NRCAM: variants seen among roughly 807,000 people sequenced by gnomAD.
NRCAM encodes NgCAM-related cell adhesion molecule.
A neutral mutation model predicts 156.5 loss-of-function variants in NRCAM; 83 were observed. The observed-to-expected ratio is 0.53, with a 90% CI of 0.44 to 0.64. The LOEUF is 0.64. NRCAM is among the 30% of genes least tolerant of loss of function. The pLI is 0.00. For missense variants in NRCAM, 1,417 were observed against 1,597.3 expected (o/e 0.89, Z 1.92); for synonymous variants, 538 against 563.9 (o/e 0.95, Z 0.65).
intron 2 of NRCAM, among the ~76,000 whole-genome samples, chr7:108,331,455 A>G (rs1278548729): frequency 1.3e-5 from 2 of 152,142 alleles, no homozygotes; most frequent in South Asian, 2.1e-4. Context: ...TTAATAAAGT[A>G]CTTACTATGC....
intron 3 of NRCAM, among the ~76,000 whole-genome samples, chr7:108,312,378 T>C (rs1268972192): frequency 6.6e-6 from 1 of 152,172 alleles, no homozygotes; most frequent in African/African-American, 2.4e-5. Flanking sequence ...GCTTTGCCTC[T>C]GCTCTCTATT....
chr7:108,215,005 T>C (rs375642726), intron 11 of NRCAM, among the ~76,000 whole-genome samples: 5 of 152,244 alleles, frequency 3.3e-5, no homozygotes, highest in African/African-American at 1.2e-4. Flanking sequence ...GAGGAGTGTT[T>C]TACTTCCAAT....
chr7:108,305,191 T>G (rs2098697076), intron 3 of NRCAM, among the ~76,000 whole-genome samples: 1 of 152,238 alleles, frequency 6.6e-6, no homozygotes, highest in Non-Finnish European at 1.5e-5. Context: ...TTTAAAAATA[T>G]ATCCCAGTCA....
intron 3 of NRCAM, among the ~76,000 whole-genome samples, chr7:108,268,554 T>C (rs1368757788): frequency 1.4e-5 from 2 of 140,170 alleles, no homozygotes; most frequent in African/African-American, 5.2e-5. Context: ...ATGTGGGTGA[T>C]AGTGTCTACA....
intron 20 of NRCAM, among the ~76,000 whole-genome samples, chr7:108,188,707 T>A (rs1423268653): frequency 1.4e-5 from 2 of 139,484 alleles, no homozygotes; most frequent in South Asian, 4.4e-4. Context: ...GCTAGAAGAC[T>A]GGGCCTGGAT....
chr7:108,416,265 A>G (rs1276071641), intron 1 of NRCAM, among the ~76,000 whole-genome samples: 2 of 152,252 alleles, frequency 1.3e-5, no homozygotes, highest in African/African-American at 2.4e-5. Context: ...GACAGCAGAA[A>G]AACAGCACAT....
chr7:108,432,641 G>A (rs922060791), intron 1 of NRCAM, among the ~76,000 whole-genome samples: 2 of 152,214 alleles, frequency 1.3e-5, no homozygotes, highest in African/African-American at 2.4e-5. Flanking sequence ...GGTGGCTCTC[G>A]CCTGTAATCC....
intron 13 of NRCAM, among the ~76,000 whole-genome samples, chr7:108,201,267 C>T (rs892332299): frequency 6.6e-6 from 1 of 151,620 alleles, no homozygotes; most frequent in Non-Finnish European, 1.5e-5. Flanking sequence ...ACTCTCGGTG[C>T]CCACCATGTG....
intron 28 of NRCAM, among the ~76,000 whole-genome samples, chr7:108,173,722 T>A (rs2059417154): frequency 6.6e-6 from 1 of 152,228 alleles, no homozygotes; most frequent in Non-Finnish European, 1.5e-5. Context: ...CAGATTTTAA[T>A]ACTGGGGGCT....
At chr7:108,300,262 G>A (rs1469467651) in intron 3 of NRCAM, among the ~76,000 whole-genome samples, 11 of 139,330 alleles carry the variant, frequency 7.9e-5, no homozygotes, top group East Asian at 2.1e-4. Context: ...TTGATTATTC[G>A]CAATTGTTAT....
At chr7:108,331,630 A>T (rs1003546278) in intron 2 of NRCAM, among the ~76,000 whole-genome samples, 1 of 152,208 alleles carries the variant, frequency 6.6e-6, no homozygotes, top group Admixed American at 6.5e-5. Flanking sequence ...TGCCTGGCAC[A>T]TAGCAGATGC....
rs1206017133 is a variant in NRCAM, at chr7:108,180,276, C to G, written c.2798G>C (p.Gly933Ala). The change falls in exon 25 of 33, where the codon GGG becomes GCG. Residue 933 changes from glycine to alanine, a missense_variant. This residue lies in a region of NRCAM where 1,238 missense variants were observed against 1,336.4 expected (regional missense o/e 0.93). Transcript: ENST00000379028. Reference sequence around the variant, plus strand: ...AGGGCTGGCTGGGCCCTCCCCTTTCCCATTGACCACTCGGACATTCAGTGT... The same window carrying G: ...AGGGCTGGCTGGGCCCTCCCCTTTCGCATTGACCACTCGGACATTCAGTGT... ...HYTLNVRVVN[G>A]KGEGPASPDR... 2 of 1,614,222 alleles carry G rather than the reference C, an allele frequency of 1.2e-6. No homozygotes were observed. The highest frequency in any genetic ancestry group is 1.7e-6 in the Non-Finnish European group (2 of 1,180,026).
At chr7:108,210,310 G>A (rs576747345) in intron 11 of NRCAM, among the ~76,000 whole-genome samples, 1 of 151,242 alleles carries the variant, frequency 6.6e-6, no homozygotes, top group East Asian at 1.9e-4. Context: ...GCAGTGGCAC[G>A]ATCTGAGCTC....
intron 24 of NRCAM, among the ~76,000 whole-genome samples, chr7:108,181,397 G>A (rs2063394404): frequency 6.6e-6 from 1 of 152,030 alleles, no homozygotes; most frequent in African/African-American, 2.4e-5. Flanking sequence ...GAATGACCTA[G>A]CTAAGAGTAT....
intron 2 of NRCAM, among the ~76,000 whole-genome samples, chr7:108,349,037 C>T (rs2099391526): frequency 2.0e-5 from 3 of 152,124 alleles, no homozygotes; most frequent in East Asian, 3.9e-4. Flanking sequence ...TGTGTAAAAT[C>T]TCTATGTACA....
chr7:108,423,500 T>C (rs1812988314), intron 1 of NRCAM, among the ~76,000 whole-genome samples: 2 of 152,192 alleles, frequency 1.3e-5, no homozygotes, highest in African/African-American at 4.8e-5. Context: ...ACTTCAAATA[T>C]GACTATGTGC....
intron 2 of NRCAM, among the ~76,000 whole-genome samples, chr7:108,395,453 A>G (rs6960478): frequency 0.25 from 37,921 of 152,144 alleles, 5,042 homozygotes; most frequent in Non-Finnish European, 0.29. Flanking sequence ...ACCCAAAGTT[A>G]GTAGCTCAGC....
chr7:108,346,752 TA>T (rs1358878625), intron 2 of NRCAM, among the ~76,000 whole-genome samples: 5 of 152,182 alleles, frequency 3.3e-5, no homozygotes, highest in Non-Finnish European at 7.3e-5. Flanking sequence ...TCCAATCCAG[TA>T]ATCACTAACC....
At chr7:108,378,709 C>A (rs1047228188) in intron 2 of NRCAM, among the ~76,000 whole-genome samples, 6 of 141,816 alleles carry the variant, frequency 4.2e-5, no homozygotes, top group Non-Finnish European at 9.2e-5. Flanking sequence ...ACACACACTA[C>A]GGTGAAATTT....
Sources: allele counts gnomAD v4.1 joint callset (sites outside exome capture counted in the v4.1 genomes callset), GRCh38; gene constraint gnomAD v4.1.1; regional missense constraint gnomAD v4.1.1; transcripts MANE v1.5; gene names NCBI Gene and HGNC (gene_info 2026-07-23, HGNC 2026-07-21).